COL25A1: variants seen among roughly 807,000 people sequenced by gnomAD.
The protein encoded by COL25A1 is collagen type XXV alpha 1 chain.
In COL25A1, 103 loss-of-function variants were observed where a neutral mutation model predicts 128.4. The observed-to-expected ratio is 0.80, with a 90% CI of 0.68 to 0.94. COL25A1 has a LOEUF of 0.94. Ranked by LOEUF, COL25A1 falls within the 40% of genes least tolerant of loss-of-function variation. The pLI, the probability that COL25A1 is intolerant of heterozygous loss-of-function variation, is 0.00. For missense variants in COL25A1, 745 were observed against 840.0 expected (o/e 0.89, Z 1.40); for synonymous variants, 279 against 277.2 (o/e 1.01, Z -0.06).
intron 18 of COL25A1, among the ~76,000 whole-genome samples, chr4:108,886,188 T>C (rs1408850856): frequency 6.6e-6 from 1 of 152,190 alleles, no homozygotes; most frequent in African/African-American, 2.4e-5. Context: ...ATTTGACCTT[T>C]CAAGTTTATG....
At chr4:108,947,699 T>C (rs1297163086) in intron 8 of COL25A1, among the ~76,000 whole-genome samples, 22 of 152,130 alleles carry the variant, frequency 1.4e-4, no homozygotes, top group Admixed American at 1.4e-3. Flanking sequence ...ATGCATATAC[T>C]CTACTTTGCT....
chr4:109,006,659 T>C (rs777570377), intron 6 of COL25A1, among the ~76,000 whole-genome samples: 1 of 152,266 alleles, frequency 6.6e-6, no homozygotes, highest in South Asian at 2.1e-4. Flanking sequence ...AGTAGGCTCA[T>C]AGTAAGGTGT....
chr4:109,017,780 A>T (rs1413169485), intron 5 of COL25A1, among the ~76,000 whole-genome samples: 1 of 152,220 alleles, frequency 6.6e-6, no homozygotes, highest in Non-Finnish European at 1.5e-5. Context: ...ACTTGAGGAA[A>T]TATTAACATT....
At chr4:109,248,617 G>A (rs1780440932) in intron 3 of COL25A1, among the ~76,000 whole-genome samples, 3 of 152,130 alleles carry the variant, frequency 2.0e-5, no homozygotes, top group Admixed American at 1.3e-4. Flanking sequence ...CCCATGCCAT[G>A]CAGTAAAGCC....
rs6833552 is a variant in COL25A1, at chr4:108,887,340, T to A, written c.975+1881A>T. Among the ~76,000 whole-genome samples, 349 of 152,256 alleles carry A rather than the reference T, an allele frequency of 2.3e-3. 3 individuals carry two copies. Among genetic ancestry groups the A allele is most frequent in the African/African-American group, 8.1e-3 (335 of 41,566 alleles). ...ATGGAGAGGAAAATGCCGTGGAAGATCTCTTGAAGCGATTCTGTACTCAGT... is the reference window on the plus strand; with the variant it reads ...ATGGAGAGGAAAATGCCGTGGAAGAACTCTTGAAGCGATTCTGTACTCAGT... On this transcript the variant is annotated intron_variant, in intron 18 of 37. Coordinates refer to ENST00000399132, the MANE Select transcript of COL25A1 (RefSeq NM_198721.4).
Position 108,845,091 on chromosome 4 carries a change from C to T in COL25A1, c.1578+98G>A, listed in dbSNP as rs914992035. ...AACCAAGAGGTTTGAGGTCTGTCTA[C>T]TGTTGTGCAGCCATCTGGCAGAGGT... On this transcript the variant is annotated intron_variant, in intron 29 of 37. Coordinates refer to ENST00000399132, the MANE Select transcript of COL25A1 (RefSeq NM_198721.4). The T allele has an allele frequency of 4.0e-6, 4 of 1,008,560 alleles. No homozygotes were observed. In the African/African-American group the frequency reaches 4.7e-5, roughly 12 times the overall value. The allele number at this position is 1,008,560 out of a possible 1,614,324, so 62.5% of individuals were successfully genotyped here. A position where few individuals can be genotyped will look rare whatever the true frequency, so the allele number is the denominator to read the frequency against.
intron 3 of COL25A1, among the ~76,000 whole-genome samples, chr4:109,199,513 C>A (rs1776385553): frequency 6.6e-6 from 1 of 151,842 alleles, no homozygotes; most frequent in African/African-American, 2.4e-5. Context: ...ATCTTATTTG[C>A]CCCTGAGAAG....
intron 11 of COL25A1, among the ~76,000 whole-genome samples, chr4:108,937,058 C>T (rs1433367566): frequency 1.3e-5 from 2 of 152,040 alleles, no homozygotes; most frequent in African/African-American, 4.8e-5. Context: ...GGGCCCATTC[C>T]TTCAGTATCC....
rs1780230448 is a variant in COL25A1 at position 109,245,974 on chromosome 4, T to C, written c.367+54609A>G. Among the ~76,000 whole-genome samples the C allele has an allele frequency of 2.7e-5, 4 of 147,714 alleles. No homozygotes were observed. In the South Asian group the frequency reaches 8.5e-4, roughly 31 times the overall value. On this transcript the variant is annotated intron_variant, in intron 3 of 37. Transcript: ENST00000399132. ...TGCAGAGGCCAGGCCTGAAAACTAG[T>C]TTTTCAGTAGAGGAACCTCTAGTTG...
intron 6 of COL25A1, among the ~76,000 whole-genome samples, chr4:108,989,907 C>G (rs1346823911): frequency 6.6e-6 from 1 of 151,856 alleles, no homozygotes; most frequent in Non-Finnish European, 1.5e-5. Flanking sequence ...AGAATTTTGG[C>G]TAGGATATAA....
intron 5 of COL25A1, among the ~76,000 whole-genome samples, chr4:109,023,068 C>G (rs1232768403): frequency 1.3e-5 from 2 of 152,172 alleles, no homozygotes; most frequent in African/African-American, 4.8e-5. Context: ...TTTTATTCCA[C>G]AGCAAGAAAA....
At chr4:109,071,380 G>C (rs1298461056) in intron 3 of COL25A1, among the ~76,000 whole-genome samples, 1 of 152,064 alleles carries the variant, frequency 6.6e-6, no homozygotes, top group Non-Finnish European at 1.5e-5. Flanking sequence ...TCAGGACATA[G>C]GCATGGGCAA....
At chr4:109,199,609 C>T (rs1020545482) in intron 3 of COL25A1, among the ~76,000 whole-genome samples, 1 of 151,878 alleles carries the variant, frequency 6.6e-6, no homozygotes, top group Non-Finnish European at 1.5e-5. Flanking sequence ...TAAAACAATA[C>T]ATGAATATAG....
At chr4:108,988,682 C>A (rs1239808293) in intron 6 of COL25A1, among the ~76,000 whole-genome samples, 1 of 152,184 alleles carries the variant, frequency 6.6e-6, no homozygotes, top group African/African-American at 2.4e-5. Context: ...TTTTCAATAA[C>A]GAGTCACTCC....
chr4:109,209,510 A>T (rs564225718), intron 3 of COL25A1, among the ~76,000 whole-genome samples: 170 of 152,310 alleles, frequency 1.1e-3, no homozygotes, highest in African/African-American at 3.9e-3. Context: ...TTCTTTCCAG[A>T]CACAAAGCAG....
intron 3 of COL25A1, among the ~76,000 whole-genome samples, chr4:109,218,003 A>G (rs887181505): frequency 2.0e-5 from 3 of 152,126 alleles, no homozygotes; most frequent in African/African-American, 7.2e-5. Flanking sequence ...TAAGTAGTGG[A>G]GCCAGGTTTG....
At chr4:108,892,177 G>C (rs1741590663) in intron 16 of COL25A1, among the ~76,000 whole-genome samples, 2 of 152,042 alleles carry the variant, frequency 1.3e-5, no homozygotes, top group Admixed American at 1.3e-4. Context: ...TAAAGTAGGG[G>C]GAAAAACCCC....
At chr4:109,236,554 T>C (rs959215526) in intron 3 of COL25A1, among the ~76,000 whole-genome samples, 1 of 152,096 alleles carries the variant, frequency 6.6e-6, no homozygotes, top group Admixed American at 6.6e-5. Context: ...ATGAATATAT[T>C]ATGTTCAATC....
chr4:108,842,819 G>T (rs944778787), intron 30 of COL25A1, among the ~76,000 whole-genome samples: 8 of 152,034 alleles, frequency 5.3e-5, no homozygotes, highest in African/African-American at 1.7e-4. Flanking sequence ...TATGCCATTT[G>T]CTTAATTCTT....
Sources: allele counts gnomAD v4.1 joint callset (sites outside exome capture counted in the v4.1 genomes callset), GRCh38; gene constraint gnomAD v4.1.1; transcripts MANE v1.5; gene names NCBI Gene and HGNC (gene_info 2026-07-23, HGNC 2026-07-21).